The following CNNM1 variants were observed in gnomAD, a reference collection of about 807,000 sequenced individuals.
The protein encoded by CNNM1 is cyclin and CBS domain divalent metal cation transport mediator 1.
A neutral mutation model predicts 78.8 loss-of-function variants in CNNM1; 44 were observed. That is an observed-to-expected ratio of 0.56 (90% CI 0.44 to 0.72). The LOEUF is 0.72. Ranked by LOEUF, CNNM1 falls within the 30% of genes least tolerant of loss-of-function variation. The pLI, the probability that CNNM1 is intolerant of heterozygous loss-of-function variation, is 0.00. For missense variants in CNNM1, 1,101 were observed against 1,292.2 expected (o/e 0.85, Z 2.27); for synonymous variants, 584 against 581.5 (o/e 1.00, Z -0.06).
intron 9 of CNNM1, among the ~76,000 whole-genome samples, chr10:99,389,473 T>C (rs1203573062): frequency 2.0e-5 from 3 of 151,704 alleles, no homozygotes; most frequent in African/African-American, 4.8e-5. Context: ...TTTGAACTTG[T>C]GGCTGACCCA....
chr10:99,354,193 TAAG>T (rs2031046926), intron 1 of CNNM1, among the ~76,000 whole-genome samples: 1 of 152,152 alleles, frequency 6.6e-6, no homozygotes, highest in African/African-American at 2.4e-5. Flanking sequence ...TGCCATAAGT[TAAG>T]AAAAATGTGT....
intron 1 of CNNM1, among the ~76,000 whole-genome samples, chr10:99,348,050 A>ATTTT (rs397955419): frequency 7.6e-6 from 1 of 131,646 alleles, no homozygotes; most frequent in African/African-American, 2.9e-5. Context: ...ATATATATAT[A>ATTTT]TTTTTTTTTT....
At chr10:99,333,819 G>C (rs935247162) in intron 1 of CNNM1, among the ~76,000 whole-genome samples, 1 of 152,184 alleles carries the variant, frequency 6.6e-6, no homozygotes, top group African/African-American at 2.4e-5. Flanking sequence ...ATAGTAAGCT[G>C]TTCCAAAAAG....
At chr10:99,364,865 G>A (rs1364389208) in intron 5 of CNNM1, 90 bp from the exon 6 acceptor site, 5 of 1,244,986 alleles carry the variant, frequency 4.0e-6, no homozygotes, top group Non-Finnish European at 5.7e-6. Flanking sequence ...GGGTTAATTG[G>A]TGCTGGGGGT....
chr10:99,330,033 G>A lies in CNNM1; in HGVS notation c.646G>A (p.Gly216Arg), dbSNP rs775015118. ...TCGCCCGCGGTTGTACGGCCCAGGCGGGGACCTGCTGCCCCCTGCGTGGCT... is the reference window on the plus strand; with the variant it reads ...TCGCCCGCGGTTGTACGGCCCAGGCAGGGACCTGCTGCCCCCTGCGTGGCT... Reference protein sequence around the residue: ...RVRPRLYGPGGDLLPPAWLRA... With the variant: ...RVRPRLYGPGRDLLPPAWLRA... The change falls in exon 1 of 11, where the codon GGG (glycine) becomes AGG (arginine). Residue 216 changes from glycine to arginine, a missense_variant. By Grantham distance (125) the Gly-to-Arg change is moderately radical. Transcript: ENST00000356713. 8 of 1,488,144 alleles carry A rather than the reference G, an allele frequency of 5.4e-6. No individual in the cohort carries two copies. The South Asian group carries it at 6.5e-5, about 12-fold the overall frequency. 92.2% of individuals were successfully genotyped at this position (1,488,144 alleles called of 1,614,324 possible). A position where few individuals can be genotyped will look rare whatever the true frequency, so the allele number is the denominator to read the frequency against.
intron 7 of CNNM1, among the ~76,000 whole-genome samples, chr10:99,386,328 A>T (rs1361352427): frequency 6.6e-6 from 1 of 152,214 alleles, no homozygotes; most frequent in African/African-American, 2.4e-5. Context: ...CTTGCTAAAA[A>T]TGCAAATTCT....
intron 1 of CNNM1, among the ~76,000 whole-genome samples, chr10:99,335,786 G>C (rs2030151693): frequency 6.6e-6 from 1 of 152,210 alleles, no homozygotes; most frequent in African/African-American, 2.4e-5. Flanking sequence ...TGACATCCAA[G>C]ATCAAGGTTT....
chr10:99,354,201 A>C (rs988789962), intron 1 of CNNM1, among the ~76,000 whole-genome samples: 1 of 152,198 alleles, frequency 6.6e-6, no homozygotes, highest in Non-Finnish European at 1.5e-5. Context: ...GTTAAGAAAA[A>C]TGTGTTAGAA....
Position 99,341,165 on chromosome 10 carries a change from G to A in CNNM1, c.1573+10205G>A, listed in dbSNP as rs984384836. 3.3e-5 allele frequency among the ~76,000 whole-genome samples: 5 copies of A among 152,158 alleles called. No individual in the cohort carries two copies. In the East Asian group the frequency reaches 5.8e-4, roughly 18 times the overall value. Reference sequence around the variant, plus strand: ...TATTTGAGCTGAATCCTAAAGAACGGTGAGAAGGAGTTCATCAGAGGAAGA... The same window carrying A: ...TATTTGAGCTGAATCCTAAAGAACGATGAGAAGGAGTTCATCAGAGGAAGA... On this transcript the variant is annotated intron_variant, in intron 1 of 10. Coordinates refer to ENST00000356713, the MANE Select transcript of CNNM1 (RefSeq NM_020348.3).
intron 6 of CNNM1, among the ~76,000 whole-genome samples, chr10:99,371,686 G>A (rs967989298): frequency 4.6e-5 from 7 of 152,226 alleles, no homozygotes; most frequent in South Asian, 2.1e-4. Flanking sequence ...TTAAAGCTCC[G>A]TGTAAAGTGA....
chr10:99,347,609 A>G (rs1413885421), intron 1 of CNNM1, among the ~76,000 whole-genome samples: 2 of 151,990 alleles, frequency 1.3e-5, no homozygotes, highest in African/African-American at 4.8e-5. Context: ...AAATGTTGCA[A>G]TGGCTTGTTT....
At chr10:99,361,407 A>G (rs935661066) in intron 3 of CNNM1, among the ~76,000 whole-genome samples, 80 of 152,320 alleles carry the variant, frequency 5.3e-4, no homozygotes, top group Middle Eastern at 3.4e-3. Flanking sequence ...AAAGTGAGAA[A>G]ATCCAAAGAT....
At position 99,353,270 on chromosome 10, in the gene CNNM1, G is replaced by A. The variant is rs891544576; in HGVS notation, c.1574-4242G>A. Among the ~76,000 whole-genome samples the A allele has an allele frequency of 2.0e-5, 3 of 152,062 alleles. No homozygotes were observed. In the South Asian group the frequency reaches 6.2e-4, roughly 32 times the overall value. On this transcript the variant is annotated intron_variant, in intron 1 of 10. Coordinates refer to ENST00000356713, the MANE Select transcript of CNNM1 (RefSeq NM_020348.3). ...CTGAGGAAACAGAAGTAAATAGGAT[G>A]TAGCATACCTGTTGCCTCTCAGGGA...
At chr10:99,360,158 C>G (rs1014306201) in intron 2 of CNNM1, among the ~76,000 whole-genome samples, 5 of 152,146 alleles carry the variant, frequency 3.3e-5, no homozygotes, top group African/African-American at 4.8e-5. Flanking sequence ...TCTCTTCTTC[C>G]CTATATTTCC....
intron 1 of CNNM1, among the ~76,000 whole-genome samples, chr10:99,343,426 G>A (rs922639143): frequency 6.6e-6 from 1 of 152,178 alleles, no homozygotes; most frequent in African/African-American, 2.4e-5. Flanking sequence ...AAAATTTCCA[G>A]TTTAGTAATT....
At chr10:99,332,528 A>G (rs1043735565) in intron 1 of CNNM1, among the ~76,000 whole-genome samples, 1 of 151,118 alleles carries the variant, frequency 6.6e-6, no homozygotes, top group African/African-American at 2.4e-5. Flanking sequence ...AAAAGAAAGA[A>G]AGAGAGAGAG....
At position 99,393,314 on chromosome 10, in the gene CNNM1, T is replaced by A. The variant is rs1467677897; in HGVS notation, c.*1798T>A. ...TTATCTGCATCTCAAAAGAAAATGC[T>A]TACCCACAGGAACTGTTAACTCAGG... is the stretch of plus-strand genomic sequence containing the variant. On this transcript the variant is annotated 3_prime_UTR_variant, in exon 11 of 11. Transcript: ENST00000356713. 2 of 152,602 alleles carry A rather than the reference T, an allele frequency of 1.3e-5. No homozygotes were observed. The highest frequency in any genetic ancestry group is 4.8e-5 in the African/African-American group (2 of 41,436). The allele number at this position is 152,602 out of a possible 1,614,324, so 9.5% of individuals were successfully genotyped here.
At chr10:99,343,578 C>T (rs983372250) in intron 1 of CNNM1, among the ~76,000 whole-genome samples, 1 of 152,154 alleles carries the variant, frequency 6.6e-6, no homozygotes, top group Non-Finnish European at 1.5e-5. Context: ...TGACTTGCCA[C>T]CTCAGACCAT....
At chr10:99,361,553 G>T (rs542519664) in intron 3 of CNNM1, among the ~76,000 whole-genome samples, 1 of 152,328 alleles carries the variant, frequency 6.6e-6, no homozygotes, top group East Asian at 1.9e-4. Flanking sequence ...TATTTATTGA[G>T]TATGTAATGA....
Sources: allele counts gnomAD v4.1 joint callset (sites outside exome capture counted in the v4.1 genomes callset), GRCh38; gene constraint gnomAD v4.1.1; transcripts MANE v1.5; gene names NCBI Gene and HGNC (gene_info 2026-07-23, HGNC 2026-07-21).